Variants in GRIK2 observed in about 807,000 individuals in gnomAD.
GRIK2 encodes the protein glutamate ionotropic receptor kainate type subunit 2, also known as glutamate receptor ionotropic, kainate 2.
GRIK2 carries 32 observed loss-of-function variants against 100.3 expected under a neutral mutation model. The observed-to-expected ratio is 0.32, with a 90% CI of 0.24 to 0.43. The LOEUF is 0.43. GRIK2 is among the 20% of genes least tolerant of loss of function. The pLI is 1.00. For synonymous variants in GRIK2, 417 were observed against 389.4 expected (o/e 1.07, Z -0.83); for missense variants, 843 against 1,114.9 (o/e 0.76, Z 3.47).
intron 13 of GRIK2, among the ~76,000 whole-genome samples, chr6:101,926,242 A>G (rs1423768727): frequency 7.7e-6 from 1 of 130,368 alleles, no homozygotes; most frequent in Non-Finnish European, 1.6e-5. Flanking sequence ...CTCTACCCTT[A>G]GAAGACATTA....
intron 10 of GRIK2, among the ~76,000 whole-genome samples, chr6:101,836,172 C>T (rs1450450867): frequency 6.6e-6 from 1 of 151,820 alleles, no homozygotes; most frequent in Non-Finnish European, 1.5e-5. Flanking sequence ...ATTTTTCCTT[C>T]CTATGAACAA....
intron 7 of GRIK2, among the ~76,000 whole-genome samples, chr6:101,754,771 A>G (rs1158674126): frequency 6.6e-6 from 1 of 152,236 alleles, no homozygotes; most frequent in Non-Finnish European, 1.5e-5. Context: ...GGGATGAGTG[A>G]TCCAGATAGC....
intron 4 of GRIK2, among the ~76,000 whole-genome samples, chr6:101,651,527 A>G (rs554359254): frequency 1.3e-5 from 2 of 152,258 alleles, no homozygotes; most frequent in African/African-American, 4.8e-5. Flanking sequence ...TTAGAAGGCG[A>G]TAAGTGCAAC....
chr6:101,670,528 T>C (rs1347448931), intron 4 of GRIK2, among the ~76,000 whole-genome samples: 1 of 152,084 alleles, frequency 6.6e-6, no homozygotes, highest in African/African-American at 2.4e-5. Flanking sequence ...TGTTTATCCT[T>C]AGGATGAACT....
intron 2 of GRIK2, among the ~76,000 whole-genome samples, chr6:101,607,433 A>G (rs1049476739): frequency 6.6e-6 from 1 of 151,954 alleles, no homozygotes; most frequent in Non-Finnish European, 1.5e-5. Flanking sequence ...AATAAAAGTC[A>G]CTCTTCTGAT....
chr6:101,889,954 T>C, intron 12 of GRIK2, 91 bp downstream of exon 12: 1 of 761,980 alleles, frequency 1.3e-6, no homozygotes, highest in Non-Finnish European at 2.3e-6. Context: ...TTTTACTTTT[T>C]CTGTTCTTTA....
intron 14 of GRIK2, among the ~76,000 whole-genome samples, chr6:101,930,171 G>A (rs1228019392): frequency 6.6e-6 from 1 of 151,784 alleles, no homozygotes; most frequent in Admixed American, 6.6e-5. Context: ...GCAAAATTCT[G>A]TCTCTACAAA....
intron 2 of GRIK2, among the ~76,000 whole-genome samples, chr6:101,618,416 A>G (rs768513322): frequency 6.6e-6 from 1 of 151,696 alleles, no homozygotes; most frequent in African/African-American, 2.4e-5. Flanking sequence ...TACTATGTTC[A>G]GTTATTTCTG....
At chr6:101,908,978 A>T (rs1204478876) in intron 12 of GRIK2, among the ~76,000 whole-genome samples, 1 of 151,276 alleles carries the variant, frequency 6.6e-6, no homozygotes, top group African/African-American at 2.4e-5. Context: ...GAGGACTGGA[A>T]ATAGGGCTCT....
At chr6:101,585,017 A>G (rs2128304382) in intron 2 of GRIK2, among the ~76,000 whole-genome samples, 1 of 152,078 alleles carries the variant, frequency 6.6e-6, no homozygotes, top group East Asian at 1.9e-4. Flanking sequence ...CTGAGTAAGT[A>G]CCTTTTCATT....
intron 2 of GRIK2, among the ~76,000 whole-genome samples, chr6:101,482,064 C>T (rs1772560523): frequency 6.6e-6 from 1 of 152,110 alleles, no homozygotes; most frequent in African/African-American, 2.4e-5. Context: ...AACCTCTTTC[C>T]TTTTTAAATT....
chr6:101,968,391 T>A (rs1008226012), intron 14 of GRIK2, among the ~76,000 whole-genome samples: 1 of 152,054 alleles, frequency 6.6e-6, no homozygotes, highest in African/African-American at 2.4e-5. Flanking sequence ...AAAACAAATT[T>A]GCATTGCTAT....
chr6:101,614,045 C>T (rs1294159971), intron 2 of GRIK2, among the ~76,000 whole-genome samples: 3 of 151,558 alleles, frequency 2.0e-5, no homozygotes, highest in African/African-American at 4.8e-5. Flanking sequence ...GTTTGTCATT[C>T]CTGGAGGCCA....
chr6:101,552,518 TAGAG>T (rs912600741), intron 2 of GRIK2, among the ~76,000 whole-genome samples: 1 of 152,194 alleles, frequency 6.6e-6, no homozygotes, highest in African/African-American at 2.4e-5. Flanking sequence ...ATAAAAGGGT[TAGAG>T]ATGATAATCA....
chr6:101,413,932 C>A (rs74350096), intron 2 of GRIK2, among the ~76,000 whole-genome samples: 3,810 of 152,056 alleles, frequency 0.025, 113 homozygotes, highest in African/African-American at 0.067. Context: ...GCCATTTGTT[C>A]ATTTATTTAT....
chr6:101,460,973 G>A (rs2128252358), intron 2 of GRIK2, among the ~76,000 whole-genome samples: 1 of 152,244 alleles, frequency 6.6e-6, no homozygotes, highest in East Asian at 1.9e-4. Flanking sequence ...CATACTTTTA[G>A]TATCAATGTG....
At chr6:101,907,418 T>C (rs1032051570) in intron 12 of GRIK2, among the ~76,000 whole-genome samples, 3 of 151,636 alleles carry the variant, frequency 2.0e-5, no homozygotes, top group Admixed American at 6.6e-5. Flanking sequence ...CATATCATTA[T>C]TGGAACCTCA....
chr6:101,959,048 G>A (rs1355672896), intron 14 of GRIK2, among the ~76,000 whole-genome samples: 1 of 152,008 alleles, frequency 6.6e-6, no homozygotes, highest in Non-Finnish European at 1.5e-5. Flanking sequence ...CATAGAATGA[G>A]TTAGGGAGGA....
chr6:101,717,657 T>C (rs1310760503), intron 7 of GRIK2, among the ~76,000 whole-genome samples: 1 of 151,890 alleles, frequency 6.6e-6, no homozygotes, highest in Admixed American at 6.6e-5. Context: ...GCCTGAATGT[T>C]ATCTTTAATT....
Sources: gnomAD v4.1 joint callset for allele counts (sites outside exome capture counted in the v4.1 genomes callset) on GRCh38, gnomAD v4.1.1 for gene constraint, MANE v1.5 for transcripts, NCBI Gene and HGNC (gene_info 2026-07-23, HGNC 2026-07-21) for gene names.